The following GMDS variants were observed in gnomAD, a reference collection of about 807,000 sequenced individuals.
GMDS encodes the protein GDP-mannose 4,6-dehydratase.
A neutral mutation model predicts 49.9 loss-of-function variants in GMDS; 20 were observed. The ratio of observed to expected loss-of-function variants is 0.40; its 90% confidence interval spans 0.28 to 0.58. The LOEUF (loss-of-function observed/expected upper bound fraction) is 0.58, where lower values mean the gene tolerates loss of function less well. Ranked by LOEUF, GMDS falls within the 20% of genes least tolerant of loss-of-function variation. The probability of loss-of-function intolerance (pLI) is 0.42; values close to 1 mark genes in which losing one functional copy is unlikely to be tolerated. For synonymous variants in GMDS, 177 were observed against 178.6 expected (o/e 0.99, Z 0.07); for missense variants, 362 against 481.4 (o/e 0.75, Z 2.32).
intron 6 of GMDS, among the ~76,000 whole-genome samples, chr6:1,934,548 T>G (rs1762434669): frequency 6.6e-6 from 1 of 152,216 alleles, no homozygotes; most frequent in African/African-American, 2.4e-5. Flanking sequence ...CTTTTAAAAT[T>G]TCTTTCAACA....
At chr6:1,997,667 G>C (rs1285447668) in intron 4 of GMDS, among the ~76,000 whole-genome samples, 2 of 152,064 alleles carry the variant, frequency 1.3e-5, no homozygotes, top group African/African-American at 4.8e-5. Context: ...AATACACCTG[G>C]AAGGGAAGGC....
intron 9 of GMDS, among the ~76,000 whole-genome samples, chr6:1,634,133 T>C (rs1763074960): frequency 6.6e-6 from 1 of 152,198 alleles, no homozygotes; most frequent in Admixed American, 6.5e-5. Context: ...TTGGTCCACC[T>C]AACCTAAAAG....
chr6:2,066,572 T>C (rs1370167676), intron 4 of GMDS, among the ~76,000 whole-genome samples: 2 of 151,876 alleles, frequency 1.3e-5, no homozygotes, highest in Non-Finnish European at 2.9e-5. Flanking sequence ...GATGAAGATC[T>C]ACCAAGCAAA....
chr6:1,907,967 A>G (rs1359800361), intron 7 of GMDS, among the ~76,000 whole-genome samples: 1 of 152,224 alleles, frequency 6.6e-6, no homozygotes, highest in Non-Finnish European at 1.5e-5. Flanking sequence ...AAAATTAGAC[A>G]CAGTAAGAGC....
intron 7 of GMDS, 107 bp downstream of exon 7, chr6:1,929,996 A>C: frequency 1.0e-6 from 1 of 982,886 alleles, no homozygotes; most frequent in East Asian, 2.5e-5. Flanking sequence ...GCCTTGGCAA[A>C]GGTTTGTATG....
chr6:1,883,019 T>C lies in GMDS; in HGVS notation c.771+47084A>G, dbSNP rs997846227. ...TGCTGGCAGTACTAGCATGAGCCAT[T>C]TCCTAGAGAAAAGGATTACTCTTTT... On this transcript the variant is annotated intron_variant, in intron 7 of 10. Transcript: ENST00000380815. 2.6e-5 allele frequency among the ~76,000 whole-genome samples: 4 copies of C among 152,228 alleles called. No homozygotes were observed. The South Asian group carries it at 8.3e-4, about 31-fold the overall frequency.
intron 7 of GMDS, among the ~76,000 whole-genome samples, chr6:1,843,001 G>C (rs1757212564): frequency 2.0e-5 from 3 of 152,030 alleles, no homozygotes. Flanking sequence ...CGGCTACTTA[G>C]GAGGCTGAGG....
intron 4 of GMDS, 37 bp from the exon 5 acceptor site, chr6:1,961,003 G>C (rs199551215): frequency 5.9e-4 from 773 of 1,319,790 alleles, no homozygotes; most frequent in Middle Eastern, 1.7e-3. Context: ...TGCATTAATA[G>C]CTTCATAGCA....
At chr6:1,649,142 A>G (rs1763575294) in intron 9 of GMDS, among the ~76,000 whole-genome samples, 1 of 152,232 alleles carries the variant, frequency 6.6e-6, no homozygotes, top group Non-Finnish European at 1.5e-5. Context: ...ATGGGGCAGG[A>G]ATGACACGTT....
At chr6:1,993,336 C>A (rs1460561282) in intron 4 of GMDS, among the ~76,000 whole-genome samples, 1 of 152,166 alleles carries the variant, frequency 6.6e-6, no homozygotes, top group Non-Finnish European at 1.5e-5. Context: ...AATTAGGTAA[C>A]TTTTCCTCTA....
chr6:1,825,797 C>T (rs915284950), intron 7 of GMDS, among the ~76,000 whole-genome samples: 1 of 152,168 alleles, frequency 6.6e-6, no homozygotes, highest in Non-Finnish European at 1.5e-5. Flanking sequence ...TCACTTGAGG[C>T]TAGCTAGGAG....
chr6:1,725,187 C>T (rs1438225049), intron 9 of GMDS, among the ~76,000 whole-genome samples: 3 of 152,188 alleles, frequency 2.0e-5, no homozygotes, highest in Non-Finnish European at 2.9e-5. Context: ...GAACGTTTCT[C>T]TCTAGAGATG....
intron 7 of GMDS, among the ~76,000 whole-genome samples, chr6:1,811,769 A>T (rs1418423523): frequency 6.6e-6 from 1 of 152,192 alleles, no homozygotes; most frequent in Non-Finnish European, 1.5e-5. Context: ...CTGGTTTTCT[A>T]TTCCTATTTT....
At chr6:1,982,363 A>G (rs1322447948) in intron 4 of GMDS, among the ~76,000 whole-genome samples, 1 of 152,176 alleles carries the variant, frequency 6.6e-6, no homozygotes, top group African/African-American at 2.4e-5. Context: ...TATTCAACAT[A>G]TATTGGAAGT....
intron 4 of GMDS, among the ~76,000 whole-genome samples, chr6:2,045,869 A>G (rs1364239468): frequency 6.6e-6 from 1 of 152,202 alleles, no homozygotes; most frequent in Admixed American, 6.5e-5. Flanking sequence ...GATGAAGGCT[A>G]CGGGTCACTA....
intron 7 of GMDS, among the ~76,000 whole-genome samples, chr6:1,853,054 CTTG>C (rs1268596700): frequency 3.3e-5 from 5 of 151,948 alleles, no homozygotes; most frequent in Non-Finnish European, 7.4e-5. Context: ...CATTTCTGTC[CTTG>C]TTGAGAGAAA....
At chr6:2,025,218 T>G (rs1437790019) in intron 4 of GMDS, among the ~76,000 whole-genome samples, 1 of 152,116 alleles carries the variant, frequency 6.6e-6, no homozygotes, top group Non-Finnish European at 1.5e-5. Context: ...AGTTGATTTT[T>G]ATTTTTATTT....
intron 9 of GMDS, among the ~76,000 whole-genome samples, chr6:1,714,972 C>T (rs555458739): frequency 2.0e-5 from 3 of 152,258 alleles, no homozygotes; most frequent in African/African-American, 7.2e-5. Context: ...GAGTGCTGAG[C>T]TTGTGTGAGA....
intron 4 of GMDS, among the ~76,000 whole-genome samples, chr6:1,983,709 G>A: frequency 6.6e-6 from 1 of 152,110 alleles, no homozygotes; most frequent in African/African-American, 2.4e-5. Flanking sequence ...TATTTAAAAT[G>A]TCAAAAAACA....
Sources: gnomAD v4.1 joint callset for allele counts (sites outside exome capture counted in the v4.1 genomes callset) on GRCh38, gnomAD v4.1.1 for gene constraint, MANE v1.5 for transcripts, NCBI Gene and HGNC (gene_info 2026-07-23, HGNC 2026-07-21) for gene names.